SHROOM3: variants seen among roughly 807,000 people sequenced by gnomAD.
SHROOM3 encodes the protein protein Shroom3.
SHROOM3 carries 47 observed loss-of-function variants against 138.6 expected under a neutral mutation model. The ratio of observed to expected loss-of-function variants is 0.34; its 90% CI spans 0.27 to 0.43. The LOEUF is 0.43. SHROOM3 is among the 20% of genes least tolerant of loss of function. The probability of loss-of-function intolerance (pLI) is 1.00; values close to 1 mark genes in which losing one functional copy is unlikely to be tolerated. For missense variants in SHROOM3, 2,491 were observed against 2,596.5 expected, an observed-to-expected ratio of 0.96 and a Z score of 0.88; for synonymous variants, 1,062 against 1,063.3, an observed-to-expected ratio of 1.00 and a Z score of 0.02.
At chr4:76,598,291 C>G (rs1437101795) in intron 2 of SHROOM3, among the ~76,000 whole-genome samples, 5 of 151,936 alleles carry the variant, frequency 3.3e-5, no homozygotes, top group African/African-American at 1.2e-4. Context: ...CTCCGAAAGT[C>G]CTGGGATTAC....
At chr4:76,586,583 T>C in intron 2 of SHROOM3, 1 of 644,486 alleles carries the variant, frequency 1.6e-6, no homozygotes, top group Non-Finnish European at 1.9e-6. Context: ...TTGTTCAAGT[T>C]AGGCCTTTGT....
chr4:76,648,347 A>C (rs1408404742), intron 2 of SHROOM3, among the ~76,000 whole-genome samples: 1 of 152,168 alleles, frequency 6.6e-6, no homozygotes, highest in Non-Finnish European at 1.5e-5. Flanking sequence ...AAAGAAAGAA[A>C]AACAAAAAAC....
chr4:76,667,130 G>A lies in SHROOM3; in HGVS notation c.324-43026G>A, dbSNP rs188024066. ...TACAAAGTTTCAGTTTTACAACTTC[G>A]TAAAACTGAAGAGTAAAAGAGTTCT... On this transcript the variant is annotated intron_variant, in intron 2 of 10. Transcript: ENST00000296043. 5.3e-5 allele frequency among the ~76,000 whole-genome samples: 8 copies of A among 152,250 alleles called. No individual in the cohort carries two copies. The East Asian group carries it at 5.8e-4, about 11-fold the overall frequency.
chr4:76,543,058 G>A (rs17002076), intron 1 of SHROOM3, among the ~76,000 whole-genome samples: 4,125 of 152,282 alleles, frequency 0.027, 204 homozygotes, highest in African/African-American at 0.092. Context: ...TCTTCAAAAC[G>A]CTGAATCCCT....
At chr4:76,567,208 A>G (rs1733743273) in intron 2 of SHROOM3, among the ~76,000 whole-genome samples, 1 of 152,170 alleles carries the variant, frequency 6.6e-6, no homozygotes. Flanking sequence ...TGTTGTTTTC[A>G]TGAAGACTGT....
At position 76,664,884 on chromosome 4, in the gene SHROOM3, C is replaced by T. The variant is rs1017737633; in HGVS notation, c.324-45272C>T. Among the ~76,000 whole-genome samples, 1 of 152,092 alleles carries T rather than the reference C, an allele frequency of 6.6e-6. No individual in the cohort carries two copies. Among genetic ancestry groups the T allele is most frequent in the East Asian group, 1.9e-4 (1 of 5,198 alleles). ...GCTTCCAGGTGGTCGAGCACGGTGG[C>T]TTTTGCCTGTAATCCTAGCACTTTG... On this transcript the variant is annotated intron_variant, in intron 2 of 10. Coordinates refer to ENST00000296043, the MANE Select transcript of SHROOM3 (RefSeq NM_020859.4). The surrounding 1 kb of genome is among the most constrained non-coding windows in gnomAD (Gnocchi z 4.2).
At chr4:76,519,438 A>C (rs1732517121) in intron 1 of SHROOM3, among the ~76,000 whole-genome samples, 1 of 152,178 alleles carries the variant, frequency 6.6e-6, no homozygotes, top group South Asian at 2.1e-4. Flanking sequence ...AAAATAGAAA[A>C]ATAACAATAT....
chr4:76,522,578 G>A (rs544727938), intron 1 of SHROOM3, among the ~76,000 whole-genome samples: 4 of 152,042 alleles, frequency 2.6e-5, no homozygotes, highest in Non-Finnish European at 5.9e-5. Flanking sequence ...CCATTCACCT[G>A]AGGTCAGGAG....
In SHROOM3 at chr4:76,681,572, A is replaced by T. The variant is rs546771355; in HGVS notation, c.324-28584A>T. On this transcript the variant is annotated intron_variant, in intron 2 of 10. Coordinates refer to ENST00000296043, the MANE Select transcript of SHROOM3 (RefSeq NM_020859.4). ...GCTCCTGGGGTTGCAGCTAAGTTGTAAGAAGCTTAGGCAGAGTCTAGGGTG... is the reference window on the plus strand; with the variant it reads ...GCTCCTGGGGTTGCAGCTAAGTTGTTAGAAGCTTAGGCAGAGTCTAGGGTG... Among the ~76,000 whole-genome samples the T allele has an allele frequency of 3.1e-5, 3 of 95,398 alleles. No individual in the cohort carries two copies. The East Asian group carries it at 1.4e-3, about 46-fold the overall frequency. The allele number at this position is 95,398 out of a possible 152,430, so 62.6% of individuals were successfully genotyped here.
intron 2 of SHROOM3, among the ~76,000 whole-genome samples, chr4:76,646,248 A>ATATATATATAT (rs1491297588): frequency 2.8e-5 from 4 of 141,034 alleles, no homozygotes; most frequent in South Asian, 2.3e-4. Flanking sequence ...ATATATATAT[A>ATATATATATAT]AAATTAAAAA....
In SHROOM3 at chr4:76,452,808, C is replaced by T. The variant is rs1010358298; in HGVS notation, c.168+16588C>T. On this transcript the variant is annotated intron_variant, in intron 1 of 10. Transcript: ENST00000296043. The stretch of plus-strand genomic sequence containing the variant: ...TCTCAGCTCACTGCAACCTCCGCCT[C>T]CCAGGTTCAAGCAATTCTCCTGCCT... Among the ~76,000 whole-genome samples the T allele has an allele frequency of 3.3e-5, 5 of 152,270 alleles. No individual in the cohort carries two copies. In the South Asian group the frequency reaches 1.0e-3, roughly 32 times the overall value.
intron 4 of SHROOM3, among the ~76,000 whole-genome samples, chr4:76,733,594 C>T (rs941893672): frequency 6.6e-6 from 1 of 152,146 alleles, no homozygotes; most frequent in Non-Finnish European, 1.5e-5. Flanking sequence ...CTGAGTTCCA[C>T]CTGTGGGATC....
intron 2 of SHROOM3, chr4:76,628,877 G>A (rs1431212692): frequency 6.6e-6 from 1 of 151,652 alleles, no homozygotes; most frequent in African/African-American, 2.4e-5. Context: ...GTCCCGCTTT[G>A]TCACCCAGCC....
chr4:76,627,758 G>T (rs1021740399), intron 2 of SHROOM3, among the ~76,000 whole-genome samples: 2 of 150,854 alleles, frequency 1.3e-5, no homozygotes, highest in East Asian at 2.0e-4. Flanking sequence ...CTGCAGCCTT[G>T]AACTCCTGGT....
chr4:76,518,312 C>G (rs1732486615), intron 1 of SHROOM3, among the ~76,000 whole-genome samples: 1 of 152,192 alleles, frequency 6.6e-6, no homozygotes, highest in Admixed American at 6.5e-5. Context: ...GTGTCCTCCA[C>G]TCCATATCAG....
In SHROOM3 at chr4:76,435,891, A is replaced by G; in HGVS notation, c.-162A>G. Reference sequence around the variant, plus strand: ...CTTCTGGTTCAGCATCTTGGAGTTCAGCTTGGAAGAACATTTTACGTATGG... The same window carrying G: ...CTTCTGGTTCAGCATCTTGGAGTTCGGCTTGGAAGAACATTTTACGTATGG... On this transcript the variant is annotated 5_prime_UTR_variant, in exon 1 of 11. Coordinates refer to ENST00000296043, the MANE Select transcript of SHROOM3 (RefSeq NM_020859.4). 1.6e-6 allele frequency: 1 copy of G among 628,122 alleles called. No individual in the cohort carries two copies. Among genetic ancestry groups the G allele is most frequent in the South Asian group, 2.3e-5 (1 of 42,602 alleles). The allele number at this position is 628,122 out of a possible 1,614,324, so 38.9% of individuals were successfully genotyped here.
At position 76,664,594 on chromosome 4, in the gene SHROOM3, G is replaced by A. The variant is rs1435507833; in HGVS notation, c.324-45562G>A. ...GTTTGAGGTTGGTCCTGGGCCTCTG[G>A]GTCTTTATGCTTTTGTTACTGTTGT... On this transcript the variant is annotated intron_variant, in intron 2 of 10. Coordinates refer to ENST00000296043, the MANE Select transcript of SHROOM3 (RefSeq NM_020859.4). The surrounding 1 kb of genome is among the most constrained non-coding windows in gnomAD (Gnocchi z 4.2). Among the ~76,000 whole-genome samples, 1 of 152,050 alleles carries A rather than the reference G, an allele frequency of 6.6e-6. No individual in the cohort carries two copies. Among genetic ancestry groups the A allele is most frequent in the African/African-American group, 2.4e-5 (1 of 41,396 alleles).
intron 2 of SHROOM3, among the ~76,000 whole-genome samples, chr4:76,614,742 T>C (rs1734837435): frequency 1.3e-5 from 2 of 152,172 alleles, no homozygotes; most frequent in Non-Finnish European, 2.9e-5. Context: ...GATTTTTAAG[T>C]GAACCATCAC....
intron 1 of SHROOM3, among the ~76,000 whole-genome samples, chr4:76,448,640 A>G (rs1336253827): frequency 6.6e-6 from 1 of 152,118 alleles, no homozygotes; most frequent in Admixed American, 6.5e-5. Context: ...TCAAACATCT[A>G]TGTCAGCTGC....
Sources: gnomAD v4.1 joint callset for allele counts (sites outside exome capture counted in the v4.1 genomes callset) on GRCh38, gnomAD v4.1.1 for gene constraint, Gnocchi (gnomAD v3.1) non-coding constraint, MANE v1.5 for transcripts, NCBI Gene and HGNC (gene_info 2026-07-23, HGNC 2026-07-21) for gene names.